The following KIF11 variants were observed in gnomAD, a reference collection of about 807,000 sequenced individuals.
KIF11 encodes kinesin-like protein KIF11.
In KIF11, 9 loss-of-function variants were observed where a neutral mutation model predicts 121.0. The observed-to-expected ratio is 0.07, with a 90% CI of 0.04 to 0.13. KIF11 has a LOEUF of 0.13. KIF11 is among the 10% of genes least tolerant of loss of function. The pLI, the probability that KIF11 is intolerant of heterozygous loss-of-function variation, is 1.00. For synonymous variants in KIF11, 408 were observed against 421.0 expected (o/e 0.97, Z 0.38); for missense variants, 846 against 1,217.5 (o/e 0.69, Z 4.54).
chr10:92,633,568 G>C lies in KIF11; in HGVS notation c.1703-55G>C, dbSNP rs144969655. The C allele has an allele frequency of 8.0e-5, 99 of 1,238,932 alleles. No homozygotes were observed. The South Asian group carries it at 1.2e-3, about 15-fold the overall frequency. 76.7% of individuals were successfully genotyped at this position (1,238,932 alleles called of 1,614,324 possible). A position where few individuals can be genotyped will look rare whatever the true frequency, so the allele number is the denominator to read the frequency against. On this transcript the variant is annotated intron_variant, in intron 13 of 21. Coordinates refer to ENST00000260731, the MANE Select transcript of KIF11 (RefSeq NM_004523.4). ...TCAACTTCTTTGAAATGGTTTGAACGGTATTTAATATATTTATGTCAAAGT... is the reference window on the plus strand; with the variant it reads ...TCAACTTCTTTGAAATGGTTTGAACCGTATTTAATATATTTATGTCAAAGT...
chr10:92,596,695 T>C (rs2135894523), intron 1 of KIF11, among the ~76,000 whole-genome samples: 1 of 152,360 alleles, frequency 6.6e-6, no homozygotes, highest in Middle Eastern at 3.4e-3. Context: ...TTAAGTCCTT[T>C]GCCCATTTTT....
intron 10 of KIF11, among the ~76,000 whole-genome samples, chr10:92,623,921 A>T (rs1428789810): frequency 6.6e-6 from 1 of 152,100 alleles, no homozygotes; most frequent in Non-Finnish European, 1.5e-5. Flanking sequence ...TTTCAGGAGT[A>T]CATGTGCAGA....
chr10:92,608,916 T>G, intron 4 of KIF11, 104 bp from the exon 5 acceptor site: 3 of 614,124 alleles, frequency 4.9e-6, no homozygotes, highest in Non-Finnish European at 8.0e-6. Context: ...TTTAACTTGC[T>G]TTGCCATACT....
rs1298398580 is a variant in KIF11, at chr10:92,640,008, CTT to C, written c.2267+111_2267+112del. 25 of 587,418 alleles carry C rather than the reference CTT, an allele frequency of 4.3e-5. No individual in the cohort carries two copies. In the East Asian group the frequency reaches 6.9e-4, roughly 16 times the overall value. The allele number at this position is 587,418 out of a possible 1,614,324, so 36.4% of individuals were successfully genotyped here. ...TTCCTCTGTGTACTTTCAAATTTCT[CTT>C]TTGTTAATATTTTATTATGTATGTG... is the stretch of plus-strand genomic sequence containing the variant. On this transcript the variant is annotated intron_variant, in intron 17 of 21. Coordinates refer to ENST00000260731, the MANE Select transcript of KIF11 (RefSeq NM_004523.4).
At chr10:92,614,453 T>C (rs1466063814) in intron 8 of KIF11, among the ~76,000 whole-genome samples, 2 of 152,324 alleles carry the variant, frequency 1.3e-5, no homozygotes, top group African/African-American at 4.8e-5. Context: ...TATGAATATA[T>C]ACAGGAGGAC....
chr10:92,645,315 T>C, intron 17 of KIF11, 48 bp from the exon 18 acceptor site: 1 of 1,396,474 alleles, frequency 7.2e-7, no homozygotes, highest in Non-Finnish European at 9.9e-7. Flanking sequence ...TATATATCCT[T>C]TGAGTCTTAA....
Position 92,613,025 on chromosome 10 carries a change from GAT to G in KIF11, c.699-12_699-11del. 6.8e-7 allele frequency: 1 copy of G among 1,480,254 alleles called. No individual in the cohort carries two copies. The highest frequency in any genetic ancestry group is 9.4e-7 in the Non-Finnish European group (1 of 1,066,140). 91.7% of individuals were successfully genotyped at this position (1,480,254 alleles called of 1,614,324 possible). A position where few individuals can be genotyped will look rare whatever the true frequency, so the allele number is the denominator to read the frequency against. On this transcript the variant is annotated splice_polypyrimidine_tract_variant and intron_variant, in intron 6 of 21. Transcript: ENST00000260731. This position sits in a 1 kb window ranked among gnomAD's most constrained non-coding sequence, Gnocchi z 4.2. ...TTACATTATAATGACTGGGCAACTT[GAT>G]ATTGTTTTCTAGTCGTTCCCACTCA... is the stretch of plus-strand genomic sequence containing the variant.
At position 92,645,570 on chromosome 10, in the gene KIF11, A is replaced by G. The variant is rs1226080569; in HGVS notation, c.2475A>G (p.Arg825=). The G allele has an allele frequency of 2.6e-5, 42 of 1,613,026 alleles. No individual in the cohort carries two copies. The highest frequency in any genetic ancestry group is 3.3e-5 in the Non-Finnish European group (39 of 1,179,336). Residue 825 remains arginine, a synonymous_variant, in exon 18 of 22, where the codon AGA becomes AGG. Transcript: ENST00000260731. ...TEQRCESLNT[R]TVYFSEQWVS... ...AGAGATGTGAATCTCTGAACACAAG[A>G]ACAGTTTATTTTTCTGAACAGTGGG...
chr10:92,650,391 C>T lies in KIF11; in HGVS notation c.2923-10C>T, dbSNP rs1161359553. 6.5e-7 allele frequency: 1 copy of T among 1,543,468 alleles called. No homozygotes were observed. The highest frequency in any genetic ancestry group is 2.2e-5 in the East Asian group (1 of 44,530). ...TTGGACTTAGTCACTCATCCAGTTT[C>T]TTCTTTTAGGATGTGGATGTAGAAG... On this transcript the variant is annotated splice_polypyrimidine_tract_variant and intron_variant, in intron 20 of 21. Coordinates refer to ENST00000260731, the MANE Select transcript of KIF11 (RefSeq NM_004523.4).
intron 17 of KIF11, among the ~76,000 whole-genome samples, chr10:92,642,300 A>C (rs539015002): frequency 2.0e-5 from 3 of 152,336 alleles, no homozygotes; most frequent in East Asian, 1.9e-4. Context: ...TAGGCTTAGC[A>C]TACAGATCCA....
chr10:92,651,502 A>ATTTT (rs1343216900), intron 21 of KIF11, among the ~76,000 whole-genome samples: 36 of 21,556 alleles, frequency 1.7e-3, no homozygotes, highest in East Asian at 0.012. Context: ...TGCCTGGCTA[A>ATTTT]TTTTGTTTTT....
At chr10:92,606,519 C>G in intron 2 of KIF11, 100 bp from the exon 3 acceptor site, 1 of 1,129,234 alleles carries the variant, frequency 8.9e-7, no homozygotes, top group Non-Finnish European at 1.3e-6. Flanking sequence ...CAGATGGCTT[C>G]TAGTGGGCTG....
At chr10:92,633,557 A>G in intron 13 of KIF11, 66 bp from the exon 14 acceptor site, 1 of 1,170,084 alleles carries the variant, frequency 8.5e-7, no homozygotes, top group Non-Finnish European at 1.2e-6. Flanking sequence ...CTTCTTTGAA[A>G]TGGTTTGAAC....
intron 13 of KIF11, among the ~76,000 whole-genome samples, chr10:92,633,222 T>C (rs941489147): frequency 2.6e-5 from 4 of 152,090 alleles, no homozygotes; most frequent in African/African-American, 9.7e-5. Context: ...TTCAGAAATA[T>C]AAAAATTTAA....
chr10:92,650,206 T>A (rs565555156), intron 20 of KIF11, among the ~76,000 whole-genome samples, 195 bp from the exon 21 acceptor site: 1 of 152,374 alleles, frequency 6.6e-6, no homozygotes, highest in South Asian at 2.1e-4. Context: ...AGTAACATTG[T>A]TATATAGGAA....
chr10:92,652,040 G>T (rs1844992656), intron 21 of KIF11, among the ~76,000 whole-genome samples: 2 of 146,850 alleles, frequency 1.4e-5, no homozygotes, highest in South Asian at 4.3e-4. Flanking sequence ...TGAACTCTTG[G>T]CCTCAAGCAG....
At chr10:92,616,706 T>G (rs1343136528) in intron 8 of KIF11, 31 bp from the exon 9 acceptor site, 1 of 1,100,716 alleles carries the variant, frequency 9.1e-7, no homozygotes, top group Admixed American at 1.8e-5. Flanking sequence ...TCACAATATC[T>G]TCAGTAATTG....
rs151337632 is a variant in KIF11 at position 92,606,120 on chromosome 10, A to G, written c.78-145A>G. ...TATAATTTTACTGTCTGCTTTAGCAATATCACTTAGTCCTGATTTAATCTC... is the reference window on the plus strand; with the variant it reads ...TATAATTTTACTGTCTGCTTTAGCAGTATCACTTAGTCCTGATTTAATCTC... On this transcript the variant is annotated intron_variant, in intron 1 of 21. Coordinates refer to ENST00000260731, the MANE Select transcript of KIF11 (RefSeq NM_004523.4). 60 of 573,844 alleles carry G rather than the reference A, an allele frequency of 1.0e-4. No individual in the cohort carries two copies. In the Admixed American group the frequency reaches 1.7e-3, roughly 16 times the overall value. The allele number at this position is 573,844 out of a possible 1,614,324, so 35.5% of individuals were successfully genotyped here. A position where few individuals can be genotyped will look rare whatever the true frequency, so the allele number is the denominator to read the frequency against.
At chr10:92,602,349 T>C (rs2135898146) in intron 1 of KIF11, among the ~76,000 whole-genome samples, 1 of 152,312 alleles carries the variant, frequency 6.6e-6, no homozygotes, top group African/African-American at 2.4e-5. Context: ...TTAGATCTTC[T>C]TGAAATGTTT....
Sources: allele counts gnomAD v4.1 joint callset (sites outside exome capture counted in the v4.1 genomes callset), GRCh38; gene constraint gnomAD v4.1.1; non-coding constraint Gnocchi (gnomAD v3.1); transcripts MANE v1.5; gene names NCBI Gene and HGNC (gene_info 2026-07-23, HGNC 2026-07-21).